The following ERC1 variants were observed in gnomAD, a reference collection of about 807,000 sequenced individuals.
The protein encoded by ERC1 is RAB6 interacting protein 2.
In ERC1, 56 loss-of-function variants were observed where a neutral mutation model predicts 132.0. That is an observed-to-expected ratio of 0.42 (90% CI 0.34 to 0.53). The LOEUF (loss-of-function observed/expected upper bound fraction) is 0.53, where lower values mean the gene tolerates loss of function less well. Among genes scored for constraint, ERC1 ranks in the 20% least tolerant of loss-of-function variants. The probability of loss-of-function intolerance (pLI) is 0.03; values close to 1 mark genes in which losing one functional copy is unlikely to be tolerated. For synonymous variants in ERC1, 478 were observed against 476.1 expected (o/e 1.00, Z -0.05); for missense variants, 1,202 against 1,349.9 (o/e 0.89, Z 1.72).
At chr12:1,464,511 CTTTTTTTTTT>C in intron 18 of ERC1, among the ~76,000 whole-genome samples, 1 of 67,446 alleles carries the variant, frequency 1.5e-5, no homozygotes, top group East Asian at 6.2e-4. Flanking sequence ...ATGCAAAAGC[CTTTTTTTTTT>C]TTTTTTTTTT....
chr12:1,413,307 G>C (rs2091942688), intron 17 of ERC1, among the ~76,000 whole-genome samples: 1 of 152,028 alleles, frequency 6.6e-6, no homozygotes, highest in Admixed American at 6.6e-5. Flanking sequence ...GAAAATCCAT[G>C]TGAGGGCCAG....
intron 17 of ERC1, among the ~76,000 whole-genome samples, chr12:1,414,327 T>C (rs972031726): frequency 6.6e-6 from 1 of 152,240 alleles, no homozygotes; most frequent in African/African-American, 2.4e-5. Context: ...GATGGCTGGC[T>C]TCTCACTGTG....
intron 9 of ERC1, 92 bp downstream of exon 9, chr12:1,180,769 A>T (rs78927626): frequency 6.8e-7 from 1 of 1,479,818 alleles, no homozygotes; most frequent in African/African-American, 1.5e-5. Flanking sequence ...CCCTGTGGGC[A>T]CAAGGGAAAA....
chr12:1,154,020 C>G (rs553679997), intron 8 of ERC1, among the ~76,000 whole-genome samples: 1 of 151,898 alleles, frequency 6.6e-6, no homozygotes, highest in Non-Finnish European at 1.5e-5. Flanking sequence ...CTCTAGTGTC[C>G]GTTATACCAC....
chr12:1,373,653 C>T (rs1228860110), intron 16 of ERC1, among the ~76,000 whole-genome samples: 1 of 152,094 alleles, frequency 6.6e-6, no homozygotes, highest in East Asian at 1.9e-4. Context: ...GGTGGTGCAC[C>T]TCTGTAGTCC....
At chr12:1,102,095 G>A (rs1473535653) in intron 3 of ERC1, among the ~76,000 whole-genome samples, 1 of 152,066 alleles carries the variant, frequency 6.6e-6, no homozygotes, top group African/African-American at 2.4e-5. Context: ...AATGGAAGCC[G>A]GTTGAAAATT....
At chr12:1,473,252 C>T (rs565408869) in intron 18 of ERC1, among the ~76,000 whole-genome samples, 1 of 152,254 alleles carries the variant, frequency 6.6e-6, no homozygotes, top group South Asian at 2.1e-4. Flanking sequence ...TGGTCTTGAA[C>T]TCCTGACCTC....
chr12:1,295,087 AGTT>A (rs1247613549), intron 15 of ERC1, among the ~76,000 whole-genome samples: 1 of 152,182 alleles, frequency 6.6e-6, no homozygotes, highest in Non-Finnish European at 1.5e-5. Flanking sequence ...CACCTCATGA[AGTT>A]GTTGTACGGA....
intron 7 of ERC1, among the ~76,000 whole-genome samples, chr12:1,138,249 A>G (rs1398379053): frequency 7.5e-6 from 1 of 132,786 alleles, no homozygotes; most frequent in Non-Finnish European, 1.5e-5. Context: ...ATTACAATAT[A>G]TGATATATAT....
intron 18 of ERC1, among the ~76,000 whole-genome samples, chr12:1,461,834 T>C (rs564500698): frequency 1.3e-5 from 2 of 152,200 alleles, no homozygotes; most frequent in Admixed American, 6.5e-5. Flanking sequence ...CATAAAACAC[T>C]AAACTTAAGA....
chr12:1,380,069 A>C (rs2088455131), intron 16 of ERC1: 1 of 152,280 alleles, frequency 6.6e-6, no homozygotes, highest in South Asian at 2.1e-4. Context: ...ATGGAGACAC[A>C]GAAAAGTACA....
At chr12:1,110,099 C>G in intron 4 of ERC1, 93 bp from the exon 5 acceptor site, 1 of 1,098,854 alleles carries the variant, frequency 9.1e-7, no homozygotes, top group Non-Finnish European at 1.3e-6. Flanking sequence ...ATTTGTCTAT[C>G]TTTATTAAAT....
Position 1,028,545 on chromosome 12 carries a change from G to A in ERC1, c.642G>A (p.Gln214=). 6.2e-7 allele frequency: 1 copy of A among 1,612,588 alleles called. No individual in the cohort carries two copies. Among genetic ancestry groups the A allele is most frequent in the Non-Finnish European group, 8.5e-7 (1 of 1,179,524 alleles). The change falls in exon 2 of 19, where the codon CAG becomes CAA. Residue 214 remains glutamine, a synonymous_variant. Coordinates refer to ENST00000360905, the MANE Select transcript of ERC1 (RefSeq NM_178040.4). ...EASKITIWKE[Q]YRVVQEENQH... The stretch of plus-strand genomic sequence containing the variant: ...CCAAAATCACCATTTGGAAGGAACA[G>A]TACAGAGTTGTACAGGAGGAAAACC...
chr12:1,130,372 T>C lies in ERC1; in HGVS notation c.1570-11248T>C, dbSNP rs1186719598. Among the ~76,000 whole-genome samples, 15 of 152,186 alleles carry C rather than the reference T, an allele frequency of 9.9e-5. No homozygotes were observed. In the East Asian group the frequency reaches 2.9e-3, roughly 29 times the overall value. On this transcript the variant is annotated intron_variant, in intron 7 of 18. Coordinates refer to ENST00000360905, the MANE Select transcript of ERC1 (RefSeq NM_178040.4). The stretch of plus-strand genomic sequence containing the variant: ...ACATAGAGTTATAAGGCTTTGTTGA[T>C]CTTAGTTCTGATACCAGAACGAGGA...
At position 1,012,747 on chromosome 12, in the gene ERC1, C is replaced by T. The variant is rs1380005614; in HGVS notation, c.-156-15001C>T. Among the ~76,000 whole-genome samples the T allele has an allele frequency of 2.0e-5, 3 of 152,116 alleles. No individual in the cohort carries two copies. In the South Asian group the frequency reaches 6.2e-4, roughly 32 times the overall value. ...GGGATTACAGGCGTGAGCCACTGCT[C>T]CCGGCTGATATTTAATCTTAACCAT... is the stretch of plus-strand genomic sequence containing the variant. On this transcript the variant is annotated intron_variant, in intron 1 of 18. Coordinates refer to ENST00000360905, the MANE Select transcript of ERC1 (RefSeq NM_178040.4).
intron 1 of ERC1, among the ~76,000 whole-genome samples, chr12:1,019,700 TA>T (rs1399953430): frequency 1.3e-5 from 2 of 152,136 alleles, no homozygotes; most frequent in Admixed American, 6.5e-5. Flanking sequence ...TTAGAACCTA[TA>T]AAAAGAATCA....
chr12:1,389,870 G>A (rs186723140), intron 16 of ERC1, among the ~76,000 whole-genome samples: 1 of 152,180 alleles, frequency 6.6e-6, no homozygotes. Flanking sequence ...AATCTGTTTT[G>A]CATTCAGTCT....
At chr12:1,397,560 T>G (rs1180202203) in intron 16 of ERC1, among the ~76,000 whole-genome samples, 1 of 152,184 alleles carries the variant, frequency 6.6e-6, no homozygotes. Flanking sequence ...TGCAGAATAA[T>G]GTATTTAACA....
intron 7 of ERC1, among the ~76,000 whole-genome samples, chr12:1,117,619 A>G (rs1014044210): frequency 5.3e-5 from 8 of 152,116 alleles, no homozygotes; most frequent in South Asian, 2.1e-4. Flanking sequence ...TTCACTTTTC[A>G]CGTCTGTAAG....
Sources: gnomAD v4.1 joint callset for allele counts (sites outside exome capture counted in the v4.1 genomes callset) on GRCh38, gnomAD v4.1.1 for gene constraint, MANE v1.5 for transcripts, NCBI Gene and HGNC (gene_info 2026-07-23, HGNC 2026-07-21) for gene names.